GRB2: variants seen among roughly 807,000 people sequenced by gnomAD.
GRB2 encodes growth factor receptor-bound protein 2.
Under a neutral mutation model 27.4 loss-of-function variants are expected in GRB2, and 2 were observed. The ratio of observed to expected loss-of-function variants is 0.07; its 90% CI spans 0.03 to 0.23. The LOEUF (loss-of-function observed/expected upper bound fraction) is 0.23, where lower values mean the gene tolerates loss of function less well. Among genes scored for constraint, GRB2 ranks in the 10% least tolerant of loss-of-function variants. The pLI is 1.00. For missense variants in GRB2, 102 were observed against 282.4 expected (o/e 0.36, Z 4.58); for synonymous variants, 94 against 99.6 (o/e 0.94, Z 0.33).
At chr17:75,388,358 C>T (rs565682700) in intron 2 of GRB2, among the ~76,000 whole-genome samples, 1 of 152,226 alleles carries the variant, frequency 6.6e-6, no homozygotes, top group African/African-American at 2.4e-5. Context: ...GCGCCTCGGC[C>T]TCCCCAAAGT....
At chr17:75,381,976 G>A (rs1260308174) in intron 2 of GRB2, among the ~76,000 whole-genome samples, 1 of 152,026 alleles carries the variant, frequency 6.6e-6, no homozygotes, top group African/African-American at 2.4e-5. Flanking sequence ...TGTAATCCCA[G>A]CACTTTGGGA....
intron 2 of GRB2, chr17:75,373,402 CTCA>C (rs2078868810): frequency 6.6e-6 from 1 of 152,172 alleles, no homozygotes; most frequent in Non-Finnish European, 1.5e-5. Flanking sequence ...ATCAATATGG[CTCA>C]TGTCTACTTT....
chr17:75,391,807 C>CA (rs60382091), intron 2 of GRB2, among the ~76,000 whole-genome samples: 1,807 of 121,556 alleles, frequency 0.015, 57 homozygotes, highest in African/African-American at 0.065. Context: ...GACTCCATCT[C>CA]AAAAAAAAAA....
In GRB2 at chr17:75,393,605, G is replaced by A; in HGVS notation, c.24C>T (p.Asp8=). ...GCTCGTCGTCTGCAGTAGCTTTGAAGTCATATTTGGCGATGGCTTCCATTC... is the reference window on the plus strand; with the variant it reads ...GCTCGTCGTCTGCAGTAGCTTTGAAATCATATTTGGCGATGGCTTCCATTC... MEAIAKY[D]FKATADDELS... is the part of the protein sequence containing the mutation. Residue 8 remains aspartate (D), a synonymous_variant, in exon 2 of 6, where the codon GAC becomes GAT. Coordinates refer to ENST00000316804, the MANE Select transcript of GRB2 (RefSeq NM_002086.5). 6.2e-7 allele frequency: 1 copy of A among 1,614,148 alleles called. No homozygotes were observed. The highest frequency in any genetic ancestry group is 8.5e-7 in the Non-Finnish European group (1 of 1,179,972).
At chr17:75,323,800 T>C (rs181864385) in intron 4 of GRB2, among the ~76,000 whole-genome samples, 137 of 150,780 alleles carry the variant, frequency 9.1e-4, no homozygotes, top group Middle Eastern at 3.5e-3. Flanking sequence ...CACATGTTTT[T>C]CTTTTCTTTT....
At chr17:75,404,712 G>A (rs1343131792) in intron 1 of GRB2, 1 of 152,204 alleles carries the variant, frequency 6.6e-6, no homozygotes, top group African/African-American at 2.4e-5. Flanking sequence ...TGACATTTCG[G>A]AAAGTCAACA....
rs1440655867 is a variant in GRB2, at chr17:75,403,171, AAT to A, written c.-138+2316_-138+2317del. Among the ~76,000 whole-genome samples, 6 of 146,022 alleles carry A rather than the reference AAT, an allele frequency of 4.1e-5. No homozygotes were observed. In the South Asian group the frequency reaches 6.4e-4, roughly 16 times the overall value. The stretch of plus-strand genomic sequence containing the variant: ...ACCAAAAAAAATATATATATATATA[AAT>A]ATATATATATATACAGACTCTCAAA... On this transcript the variant is annotated intron_variant, in intron 1 of 5. Transcript: ENST00000316804.
rs2079012883 is a variant in GRB2 at position 75,393,726 on chromosome 17, C to A, written c.-98G>T. 2.3e-6 allele frequency: 2 copies of A among 878,706 alleles called. No individual in the cohort carries two copies. Among genetic ancestry groups the A allele is most frequent in the African/African-American group, 3.3e-5 (2 of 60,488 alleles). 54.4% of individuals were successfully genotyped at this position (878,706 alleles called of 1,614,324 possible). A position where few individuals can be genotyped will look rare whatever the true frequency, so the allele number is the denominator to read the frequency against. Reference sequence around the variant, plus strand: ...CTCTGGGCTTAGCCTCGCCTCTCTTCTGGGACTCGCTCCGGCACTCTGGGA... The same window carrying A: ...CTCTGGGCTTAGCCTCGCCTCTCTTATGGGACTCGCTCCGGCACTCTGGGA... On this transcript the variant is annotated 5_prime_UTR_variant, in exon 2 of 6. Transcript: ENST00000316804.
intron 2 of GRB2, among the ~76,000 whole-genome samples, chr17:75,358,939 C>T (rs1335524709): frequency 8.2e-6 from 1 of 122,226 alleles, no homozygotes; most frequent in Admixed American, 8.5e-5. Context: ...ATAAAATAGG[C>T]CAGTGGCCCA....
At chr17:75,390,005 C>T (rs4789186) in intron 2 of GRB2, among the ~76,000 whole-genome samples, 98,350 of 152,074 alleles carry the variant, frequency 0.65, 38,087 homozygotes, top group East Asian at 0.96. Context: ...ATATTTCTCT[C>T]CCAACTCTCA....
intron 1 of GRB2, among the ~76,000 whole-genome samples, chr17:75,397,421 C>A (rs925062340): frequency 1.3e-5 from 2 of 152,148 alleles, no homozygotes; most frequent in East Asian, 3.8e-4. Flanking sequence ...CTGTTACCAG[C>A]CCATCCCAAG....
At position 75,384,732 on chromosome 17, in the gene GRB2, A is replaced by G. The variant is rs558331612; in HGVS notation, c.78+8819T>C. On this transcript the variant is annotated intron_variant, in intron 2 of 5. Coordinates refer to ENST00000316804, the MANE Select transcript of GRB2 (RefSeq NM_002086.5). ...ACTGATACATATGGTAACTAATTCAAGAGTATGAAGAGTAAAAGTCACCTG... is the reference window on the plus strand; with the variant it reads ...ACTGATACATATGGTAACTAATTCAGGAGTATGAAGAGTAAAAGTCACCTG... 1.1e-3 allele frequency among the ~76,000 whole-genome samples: 169 copies of G among 152,230 alleles called. 2 individuals are homozygous for G. The highest frequency in any genetic ancestry group is 4.0e-3 in the African/African-American group (167 of 41,542).
rs1334707220 is a variant in GRB2, at chr17:75,343,111, T to C, written c.79-10314A>G. On this transcript the variant is annotated intron_variant, in intron 2 of 5. Coordinates refer to ENST00000316804, the MANE Select transcript of GRB2 (RefSeq NM_002086.5). The stretch of plus-strand genomic sequence containing the variant: ...GGGGTGGGTGGGTAGAGCAGGGAAC[T>C]TTCAGTATGACAGGGATAAAGGGGG... Among the ~76,000 whole-genome samples the C allele has an allele frequency of 1.5e-4, 22 of 146,466 alleles. No homozygotes were observed. In the Admixed American group the frequency reaches 1.5e-3, roughly 10 times the overall value.
chr17:75,332,623 T>C lies in GRB2; in HGVS notation c.176+77A>G, dbSNP rs2078548787. Reference sequence around the variant, plus strand: ...ATAAAAAGTATGACATCCATCCCAGTGATCTCAATTTTAAAAAGAGTGTTT... The same window carrying C: ...ATAAAAAGTATGACATCCATCCCAGCGATCTCAATTTTAAAAAGAGTGTTT... On this transcript the variant is annotated intron_variant, in intron 3 of 5. Coordinates refer to ENST00000316804, the MANE Select transcript of GRB2 (RefSeq NM_002086.5). 19 of 805,110 alleles carry C rather than the reference T, an allele frequency of 2.4e-5. 1 individual carries two copies. In the South Asian group the frequency reaches 2.7e-4, roughly 11 times the overall value. 49.9% of individuals were successfully genotyped at this position (805,110 alleles called of 1,614,324 possible).
At chr17:75,337,023 C>A (rs2078581918) in intron 2 of GRB2, among the ~76,000 whole-genome samples, 1 of 152,196 alleles carries the variant, frequency 6.6e-6, no homozygotes, top group African/African-American at 2.4e-5. Context: ...TAGGCGTGAG[C>A]CATCATGCTG....
rs950024066 is a variant in GRB2, at chr17:75,393,979, G to A, written c.-137-214C>T. 13 of 374,860 alleles carry A rather than the reference G, an allele frequency of 3.5e-5. No individual in the cohort carries two copies. The Admixed American group carries it at 5.8e-4, about 17-fold the overall frequency. 23.2% of individuals were successfully genotyped at this position (374,860 alleles called of 1,614,324 possible). A position where few individuals can be genotyped will look rare whatever the true frequency, so the allele number is the denominator to read the frequency against. On this transcript the variant is annotated intron_variant, in intron 1 of 5. Coordinates refer to ENST00000316804, the MANE Select transcript of GRB2 (RefSeq NM_002086.5). ...GACAGGCCTGCCGGCCAATGGCACAGCTGCCTGAGCTATTCCTGAACACAC... is the reference window on the plus strand; with the variant it reads ...GACAGGCCTGCCGGCCAATGGCACAACTGCCTGAGCTATTCCTGAACACAC...
intron 3 of GRB2, 103 bp from the exon 4 acceptor site, chr17:75,326,123 G>GA: frequency 7.3e-7 from 1 of 1,365,976 alleles, no homozygotes; most frequent in Non-Finnish European, 1.0e-6. Flanking sequence ...CCAGAGGAAG[G>GA]GGCCTCCCTC....
chr17:75,333,497 G>A (rs576315776), intron 2 of GRB2, among the ~76,000 whole-genome samples: 1 of 152,294 alleles, frequency 6.6e-6, no homozygotes, highest in South Asian at 2.1e-4. Flanking sequence ...CTGGGAGAGA[G>A]AGGTGTCACA....
At chr17:75,399,112 A>C (rs887910852) in intron 1 of GRB2, among the ~76,000 whole-genome samples, 1 of 151,874 alleles carries the variant, frequency 6.6e-6, no homozygotes, top group African/African-American at 2.4e-5. Flanking sequence ...CAGTGGAGCA[A>C]TCATGGTTCA....
Sources: allele counts gnomAD v4.1 joint callset (sites outside exome capture counted in the v4.1 genomes callset), GRCh38; gene constraint gnomAD v4.1.1; transcripts MANE v1.5; gene names NCBI Gene and HGNC (gene_info 2026-07-23, HGNC 2026-07-21).